Variants in ERV3-1 observed in about 807,000 individuals in gnomAD.
ERV3-1 encodes endogenous retrovirus group 3 member 1 Env polyprotein.
Under a neutral mutation model 24.6 loss-of-function variants are expected in ERV3-1, and 36 were observed. That is an observed-to-expected ratio of 1.47 (90% CI 1.12 to 1.94). The LOEUF is 1.94. Among genes scored for constraint, ERV3-1 ranks in the 30% most tolerant of loss-of-function variants. The pLI, the probability that ERV3-1 is intolerant of heterozygous loss-of-function variation, is 0.00. For missense variants in ERV3-1, 578 were observed against 330.9 expected (o/e 1.75, Z -5.79); for synonymous variants, 211 against 122.6 (o/e 1.72, Z -4.76).
Position 64,991,818 on chromosome 7 carries a change from G to A in ERV3-1, c.1209C>T (p.Tyr403=), listed in dbSNP as rs1162200991. Residue 403 remains tyrosine (Y), a synonymous_variant, in exon 2 of 2, where the codon TAC becomes TAT. Coordinates refer to ENST00000394323, the MANE Select transcript of ERV3-1 (RefSeq NM_001007253.4). ...SRFPSLNHSW[Y]QLEAPNTWQA... ...GCCAGGTATTTGGAGCTTCAAGTTG[G>A]TACCAAGAATGGTTTAAAGATGGGA... 1 of 766,182 alleles carries A rather than the reference G, an allele frequency of 1.3e-6. No homozygotes were observed. Among genetic ancestry groups the A allele is most frequent in the Admixed American group, 1.7e-5 (1 of 59,020 alleles). 47.5% of individuals were successfully genotyped at this position (766,182 alleles called of 1,614,324 possible). A position where few individuals can be genotyped will look rare whatever the true frequency, so the allele number is the denominator to read the frequency against.
At chr7:64,997,366 T>G (rs4718179) in intron 1 of ERV3-1, among the ~76,000 whole-genome samples, 145,187 of 152,256 alleles carry the variant, frequency 0.95, 69,613 homozygotes, top group East Asian at 1. Context: ...TCCTACAAAC[T>G]CTGCGTTCAC....
chr7:64,992,201 A>G lies in ERV3-1; in HGVS notation c.826T>C (p.Phe276Leu). The change falls in exon 2 of 2, where the codon TTC (phenylalanine) becomes CTC (leucine). Residue 276 changes from phenylalanine to leucine, a missense_variant. By Grantham distance (22) the Phe-to-Leu change is conservative. Transcript: ENST00000394323. ...GCTATGTTTTCAGCCAGTTGGGCGA[A>G]TAAATTACTGGCCAAGGGAGGGGGC... ...PEPPPLASNL[F>L]AQLAENIASS... 1 of 766,428 alleles carries G rather than the reference A, an allele frequency of 1.3e-6. No individual in the cohort carries two copies. Among genetic ancestry groups the G allele is most frequent in the Admixed American group, 1.7e-5 (1 of 59,034 alleles). 47.5% of individuals were successfully genotyped at this position (766,428 alleles called of 1,614,324 possible). A position where few individuals can be genotyped will look rare whatever the true frequency, so the allele number is the denominator to read the frequency against.
Position 64,991,176 on chromosome 7 carries a change from G to A in ERV3-1, c.*36C>T, listed in dbSNP as rs1347330600. ...GTACTAAGGTTTTAAATCCTCCAAG[G>A]GATGAGAACCAACCTCTGAAAAGGG... On this transcript the variant is annotated 3_prime_UTR_variant, in exon 2 of 2. Coordinates refer to ENST00000394323, the MANE Select transcript of ERV3-1 (RefSeq NM_001007253.4). 1 of 692,812 alleles carries A rather than the reference G, an allele frequency of 1.4e-6. No homozygotes were observed. The allele number at this position is 692,812 out of a possible 1,614,324, so 42.9% of individuals were successfully genotyped here.
chr7:64,992,996 A>C lies in ERV3-1; in HGVS notation c.31T>G (p.Leu11Val), dbSNP rs527371085. 2.6e-5 allele frequency: 20 copies of C among 764,592 alleles called. No individual in the cohort carries two copies. The highest frequency in any genetic ancestry group is 8.0e-5 in the South Asian group (6 of 74,564). The allele number at this position is 764,592 out of a possible 1,614,324, so 47.4% of individuals were successfully genotyped here. A position where few individuals can be genotyped will look rare whatever the true frequency, so the allele number is the denominator to read the frequency against. ...ATGGATAAGGGGAGTAGCAAGAACA[A>C]AGTGATGAGTAGCATGTTCATACCC... Reference protein sequence around the residue: MLGMNMLLITLFLLLPLSMLK... With the variant: MLGMNMLLITVFLLLPLSMLK... The change falls in exon 2 of 2, where the codon TTG (leucine) becomes GTG (valine). Residue 11 changes from leucine to valine, a missense_variant. Physicochemically the swap from Leu to Val is conservative, Grantham distance 32. Coordinates refer to ENST00000394323, the MANE Select transcript of ERV3-1 (RefSeq NM_001007253.4).
intron 1 of ERV3-1, among the ~76,000 whole-genome samples, chr7:65,002,052 C>A (rs956407731): frequency 6.6e-6 from 1 of 152,058 alleles, no homozygotes; most frequent in African/African-American, 2.4e-5. Context: ...AAAATACAAC[C>A]CAGAAAACTC....
At chr7:65,006,508 C>T in intron 1 of ERV3-1, 33 bp downstream of exon 1, 2 of 1,571,340 alleles carry the variant, frequency 1.3e-6, no homozygotes, top group Non-Finnish European at 1.8e-6. Context: ...AGCCCCGCCC[C>T]CTCTCTCGGG....
At chr7:64,993,960 G>C (rs1310057516) in intron 1 of ERV3-1, among the ~76,000 whole-genome samples, 1 of 152,202 alleles carries the variant, frequency 6.6e-6, no homozygotes, top group East Asian at 1.9e-4. Context: ...TAGAGTCACA[G>C]ACAGTCCAAA....
intron 1 of ERV3-1, among the ~76,000 whole-genome samples, chr7:64,995,439 T>C (rs756106560): frequency 8.5e-5 from 13 of 152,238 alleles, no homozygotes; most frequent in Non-Finnish European, 1.6e-4. Context: ...GGCTGGAGCC[T>C]GAGTTAGGGC....
intron 1 of ERV3-1, among the ~76,000 whole-genome samples, chr7:64,995,984 G>T (rs1385544561): frequency 6.6e-6 from 1 of 152,220 alleles, no homozygotes; most frequent in Non-Finnish European, 1.5e-5. Context: ...TGACTGAATT[G>T]TCCCATTAAA....
chr7:65,004,403 A>C (rs764717908), intron 1 of ERV3-1: 5 of 152,096 alleles, frequency 3.3e-5, no homozygotes, highest in Non-Finnish European at 7.4e-5. Context: ...CACCTGAGAA[A>C]ATTTCTAAAC....
intron 1 of ERV3-1, among the ~76,000 whole-genome samples, chr7:64,993,887 T>C (rs1786343790): frequency 6.6e-6 from 1 of 152,212 alleles, no homozygotes. Context: ...TCCATTTTAT[T>C]TTTAACACTC....
chr7:65,006,586 C>A lies in ERV3-1; in HGVS notation c.-434G>T. On this transcript the variant is annotated 5_prime_UTR_variant, in exon 1 of 2. Coordinates refer to ENST00000394323, the MANE Select transcript of ERV3-1 (RefSeq NM_001007253.4). ...GTCCTGGCGTCTTAGCTGTGGATCT[C>A]CCAATACCTGCAGGTAACGAGGCCA... The A allele has an allele frequency of 6.4e-7, 1 of 1,574,440 alleles. No individual in the cohort carries two copies. Among genetic ancestry groups the A allele is most frequent in the Non-Finnish European group, 8.7e-7 (1 of 1,145,650 alleles).
At chr7:65,004,464 A>C (rs966361683) in intron 1 of ERV3-1, 1 of 152,252 alleles carries the variant, frequency 6.6e-6, no homozygotes, top group Non-Finnish European at 1.5e-5. Flanking sequence ...TTTTTGAGAC[A>C]GAGTCTTCCT....
At chr7:65,001,230 G>T (rs1786515396) in intron 1 of ERV3-1, among the ~76,000 whole-genome samples, 1 of 152,146 alleles carries the variant, frequency 6.6e-6, no homozygotes, top group African/African-American at 2.4e-5. Flanking sequence ...TACGTGTAAG[G>T]AATGGTTTGT....
In ERV3-1 at chr7:64,993,209, G is replaced by A. The variant is rs2129122563; in HGVS notation, c.-183C>T. ...CAGCTTCTGGGGTGACTAGAGCAGG[G>A]CTGTTGTCTCCTCAAGCTTCAGCCG... On this transcript the variant is annotated 5_prime_UTR_variant, in exon 2 of 2. Transcript: ENST00000394323. 2 of 580,384 alleles carry A rather than the reference G, an allele frequency of 3.4e-6. No individual in the cohort carries two copies. The highest frequency in any genetic ancestry group is 6.1e-6 in the Non-Finnish European group (2 of 326,250). 36.0% of individuals were successfully genotyped at this position (580,384 alleles called of 1,614,324 possible). A position where few individuals can be genotyped will look rare whatever the true frequency, so the allele number is the denominator to read the frequency against.
intron 1 of ERV3-1, among the ~76,000 whole-genome samples, chr7:65,002,609 T>C (rs891794017): frequency 1.3e-5 from 2 of 152,256 alleles, no homozygotes; most frequent in Non-Finnish European, 2.9e-5. Flanking sequence ...ATTACAGGCA[T>C]GAGCCATTGT....
chr7:65,006,619 T>C lies in ERV3-1; in HGVS notation c.-467A>G. 1 of 1,554,440 alleles carries C rather than the reference T, an allele frequency of 6.4e-7. No individual in the cohort carries two copies. Among genetic ancestry groups the C allele is most frequent in the South Asian group, 1.1e-5 (1 of 89,914 alleles). On this transcript the variant is annotated 5_prime_UTR_variant, in exon 1 of 2. Transcript: ENST00000394323. ...CTGCAGGTAACGAGGCCACAGAAGC[T>C]GGGCCTCTAGGAGCAGAAGACACAG...
At chr7:64,997,827 G>A (rs1047597805) in intron 1 of ERV3-1, among the ~76,000 whole-genome samples, 2 of 152,178 alleles carry the variant, frequency 1.3e-5, no homozygotes, top group African/African-American at 4.8e-5. Flanking sequence ...CTCTGTGTAG[G>A]AGGGAGTAGG....
chr7:65,005,630 C>A, intron 1 of ERV3-1, among the ~76,000 whole-genome samples: 1 of 152,110 alleles, frequency 6.6e-6, no homozygotes, highest in Non-Finnish European at 1.5e-5. Flanking sequence ...TCAGAAGGAA[C>A]TGGAAATTTA....
Sources: allele counts gnomAD v4.1 joint callset (sites outside exome capture counted in the v4.1 genomes callset), GRCh38; gene constraint gnomAD v4.1.1; transcripts MANE v1.5; gene names NCBI Gene and HGNC (gene_info 2026-07-23, HGNC 2026-07-21).